OPRM1: variants seen among roughly 807,000 people sequenced by gnomAD.
OPRM1 encodes mu-type opioid receptor.
A neutral mutation model predicts 31.8 loss-of-function variants in OPRM1; 27 were observed. The observed-to-expected ratio is 0.85, with a 90% CI of 0.63 to 1.17. The LOEUF is 1.17. OPRM1 is among the 50% of genes most tolerant of loss of function. OPRM1 has a pLI of 0.00. For synonymous variants in OPRM1, 196 were observed against 189.9 expected, an observed-to-expected ratio of 1.03 and a Z score of -0.26; for missense variants, 536 against 511.1, an observed-to-expected ratio of 1.05 and a Z score of -0.47.
intron 3 of OPRM1, among the ~76,000 whole-genome samples, chr6:154,220,591 G>A (rs1216239223): frequency 6.6e-6 from 1 of 152,036 alleles, no homozygotes; most frequent in Non-Finnish European, 1.5e-5. Context: ...GCAGTGAGCC[G>A]AGATCGCACC....
chr6:154,012,783 C>A (rs1777797622), intron 1 of OPRM1, among the ~76,000 whole-genome samples: 1 of 152,076 alleles, frequency 6.6e-6, no homozygotes. Flanking sequence ...AGTTCTGGAG[C>A]CTGGGAAGTC....
At chr6:154,201,183 C>T (rs541866712) in intron 3 of OPRM1, among the ~76,000 whole-genome samples, 4 of 152,276 alleles carry the variant, frequency 2.6e-5, no homozygotes, top group South Asian at 4.1e-4. Context: ...AATCTCTTTT[C>T]TTTATAAATT....
In OPRM1 at chr6:154,127,756, G is replaced by T. The variant is rs1797675810; in HGVS notation, c.*9035G>T. ...ATTCTTGTTCTCCTGCATCTCTGCA[G>T]GTGGCAAACCTGATTCCTAATGCCT... On this transcript the variant is annotated 3_prime_UTR_variant, in exon 4 of 4. Transcript: ENST00000330432. Among the ~76,000 whole-genome samples, 1 of 152,226 alleles carries T rather than the reference G, an allele frequency of 6.6e-6. No homozygotes were observed. The highest frequency in any genetic ancestry group is 2.4e-5 in the African/African-American group (1 of 41,466).
intron 1 of OPRM1, among the ~76,000 whole-genome samples, chr6:154,019,747 C>CTTTTTTTTTTTTTTTTTTTTTT (rs373120574): frequency 1.6e-5 from 2 of 122,016 alleles, no homozygotes; most frequent in African/African-American, 6.8e-5. Context: ...CTTTTCTTTT[C>CTTTTTTTTTTTTTTTTTTTTTT]TTTTTTTTTT....
At chr6:154,108,100 C>T (rs573256244) in intron 3 of OPRM1, 89 of 625,260 alleles carry the variant, frequency 1.4e-4, no homozygotes, top group Admixed American at 8.9e-4. Context: ...TTTCCCTGAG[C>T]GGCCCTAGTG....
chr6:154,012,239 A>G (rs532191557), intron 1 of OPRM1, among the ~76,000 whole-genome samples: 1 of 152,322 alleles, frequency 6.6e-6, no homozygotes, highest in South Asian at 2.1e-4. Flanking sequence ...AGCTCAGTAG[A>G]AATAAACATT....
chr6:154,096,365 C>T (rs376998465), intron 3 of OPRM1, among the ~76,000 whole-genome samples: 6 of 151,982 alleles, frequency 3.9e-5, no homozygotes, highest in South Asian at 2.1e-4. Context: ...TGGCCTCTAA[C>T]GCATTTTATA....
chr6:154,056,951 GA>G (rs759728852), intron 1 of OPRM1, among the ~76,000 whole-genome samples: 3 of 152,190 alleles, frequency 2.0e-5, no homozygotes, highest in Non-Finnish European at 4.4e-5. Context: ...CAAGGCCACT[GA>G]AATTGGTAGT....
chr6:154,040,261 TGGGGCC>T (rs964694971), intron 1 of OPRM1, among the ~76,000 whole-genome samples: 4 of 151,810 alleles, frequency 2.6e-5, no homozygotes, highest in African/African-American at 9.7e-5. Context: ...CAAATTTGGT[TGGGGCC>T]GGTGTGTGTG....
At chr6:154,115,241 A>T (rs988932290) in intron 3 of OPRM1, among the ~76,000 whole-genome samples, 1 of 152,192 alleles carries the variant, frequency 6.6e-6, no homozygotes, top group African/African-American at 2.4e-5. Context: ...TTGAGCATGG[A>T]TATCAAAAAG....
At chr6:154,089,802 C>A (rs200039097) in intron 1 of OPRM1, 24 bp from the exon 2 acceptor site, 10 of 1,520,104 alleles carry the variant, frequency 6.6e-6, no homozygotes, top group Non-Finnish European at 9.1e-6. Flanking sequence ...TACTGATTCT[C>A]ACTCTTCTTC....
At chr6:154,169,087 G>A (rs1198532550) in intron 3 of OPRM1, among the ~76,000 whole-genome samples, 1 of 151,836 alleles carries the variant, frequency 6.6e-6, no homozygotes, top group Non-Finnish European at 1.5e-5. Flanking sequence ...CAGGCTGGGT[G>A]TGGTGGCTCA....
chr6:154,183,346 G>A (rs1269141901), intron 3 of OPRM1, among the ~76,000 whole-genome samples: 1 of 152,116 alleles, frequency 6.6e-6, no homozygotes, highest in Non-Finnish European at 1.5e-5. Flanking sequence ...TGCAATCTAT[G>A]TACTTGCATA....
At chr6:154,193,530 G>A (rs769133298) in intron 3 of OPRM1, among the ~76,000 whole-genome samples, 9 of 152,142 alleles carry the variant, frequency 5.9e-5, no homozygotes, top group Non-Finnish European at 8.8e-5. Flanking sequence ...ATAAAAATAC[G>A]CATCTATCTG....
At chr6:154,024,407 T>C (rs1778564862) in intron 1 of OPRM1, among the ~76,000 whole-genome samples, 1 of 151,982 alleles carries the variant, frequency 6.6e-6, no homozygotes, top group Non-Finnish European at 1.5e-5. Context: ...TATTGACTTT[T>C]ATTTTTTTGG....
At position 154,123,758 on chromosome 6, in the gene OPRM1, G is replaced by C. The variant is rs893144670; in HGVS notation, c.*5037G>C. On this transcript the variant is annotated 3_prime_UTR_variant, in exon 4 of 4. Transcript: ENST00000330432. ...ATTGCCATGGCATTTGTAAACTGTC[G>C]TGGTACTGGTGGGAATGTTTTTTAG... Among the ~76,000 whole-genome samples, 4 of 152,164 alleles carry C rather than the reference G, an allele frequency of 2.6e-5. No homozygotes were observed. Among genetic ancestry groups the C allele is most frequent in the Non-Finnish European group, 4.4e-5 (3 of 68,026 alleles).
At chr6:154,032,717 C>A (rs1779082078) in intron 1 of OPRM1, among the ~76,000 whole-genome samples, 1 of 152,210 alleles carries the variant, frequency 6.6e-6, no homozygotes, top group African/African-American at 2.4e-5. Context: ...CAGGCATGAG[C>A]CACCTCACCC....
At position 154,161,487 on chromosome 6, in the gene OPRM1, A is replaced by G. The variant is rs970041767; in HGVS notation, c.1164+70015A>G. 2.0e-5 allele frequency among the ~76,000 whole-genome samples: 3 copies of G among 152,170 alleles called. No homozygotes were observed. The East Asian group carries it at 5.8e-4, about 29-fold the overall frequency. On this transcript the variant is annotated intron_variant, in intron 3 of 3. Coordinates refer to the OPRM1 transcript ENST00000337049. Reference sequence around the variant, plus strand: ...CTCAGCCTCCCAAAGTGCTGGGATTACAGGCGTGAGCCACTGCACCTGGCC... The same window carrying G: ...CTCAGCCTCCCAAAGTGCTGGGATTGCAGGCGTGAGCCACTGCACCTGGCC...
intron 3 of OPRM1, among the ~76,000 whole-genome samples, chr6:154,163,597 A>T (rs1043606499): frequency 6.6e-6 from 1 of 152,236 alleles, no homozygotes; most frequent in Non-Finnish European, 1.5e-5. Context: ...GCCCAGTGCT[A>T]TAGCCCCAAG....
Sources: allele counts gnomAD v4.1 joint callset (sites outside exome capture counted in the v4.1 genomes callset), GRCh38; gene constraint gnomAD v4.1.1; transcripts MANE v1.5; gene names NCBI Gene and HGNC (gene_info 2026-07-23, HGNC 2026-07-21).